The following HELB variants were observed in gnomAD, a reference collection of about 807,000 sequenced individuals.
HELB encodes the protein DNA helicase B.
In HELB, 96 loss-of-function variants were observed where a neutral mutation model predicts 101.7. The observed-to-expected ratio is 0.94, with a 90% CI of 0.80 to 1.12. The LOEUF (loss-of-function observed/expected upper bound fraction) is 1.12. Ranked by LOEUF, HELB falls within the 50% of genes most tolerant of loss-of-function variation. The probability of loss-of-function intolerance (pLI) is 0.00; values close to 1 mark genes in which losing one functional copy is unlikely to be tolerated. For synonymous variants in HELB, 437 were observed against 459.7 expected, an observed-to-expected ratio of 0.95 and a Z score of 0.63; for missense variants, 1,210 against 1,291.9, an observed-to-expected ratio of 0.94 and a Z score of 0.97.
At chr12:66,334,448 C>G (rs2053843272) in intron 12 of HELB, among the ~76,000 whole-genome samples, 1 of 116,294 alleles carries the variant, frequency 8.6e-6, no homozygotes, top group South Asian at 2.9e-4. Flanking sequence ...GGTGACAGAC[C>G]AAAACCCTGT....
chr12:66,320,970 A>G (rs1400276088), intron 7 of HELB, among the ~76,000 whole-genome samples: 1 of 152,216 alleles, frequency 6.6e-6, no homozygotes. Flanking sequence ...AAAGAACAGT[A>G]TGCTGGGAGA....
downstream of HELB, chr12:66,338,655 AAC>A (rs1476715123): frequency 2.0e-4 from 31 of 152,186 alleles, no homozygotes; most frequent in African/African-American, 6.7e-4. Context: ...AAAAAAAACA[AAC>A]AAACAAACAA....
At chr12:66,340,602 A>G (rs1021101214), downstream of HELB, 5 of 51,166 alleles carry the variant, frequency 9.8e-5, no homozygotes, top group East Asian at 4.1e-3. Flanking sequence ...AATAGGATAT[A>G]TATATGTGGG....
intron 6 of HELB, among the ~76,000 whole-genome samples, chr12:66,317,933 G>A (rs112990232): frequency 1.4e-3 from 209 of 152,240 alleles, no homozygotes; most frequent in Admixed American, 7.8e-3. Context: ...AGTTCTGTTC[G>A]AGGAGTCAAT....
At position 66,315,034 on chromosome 12, in the gene HELB, G is replaced by A. The variant is rs543897370; in HGVS notation, c.1859-208G>A. On this transcript the variant is annotated intron_variant, in intron 5 of 12. Coordinates refer to ENST00000247815, the MANE Select transcript of HELB (RefSeq NM_001370285.1). The stretch of plus-strand genomic sequence containing the variant: ...AATATGTTGACTAAAACATATGCCT[G>A]TACCCAGTTTCCCTGTGGTTATAGG... 1.1e-3 allele frequency among the ~76,000 whole-genome samples: 168 copies of A among 151,182 alleles called. 1 individual carries two copies. The highest frequency in any genetic ancestry group is 3.2e-3 in the Admixed American group (48 of 15,190).
rs531716880 is a variant in HELB, at chr12:66,318,858, T to G, written c.2155+66T>G. On this transcript the variant is annotated intron_variant, in intron 7 of 12. Coordinates refer to ENST00000247815, the MANE Select transcript of HELB (RefSeq NM_001370285.1). ...TATTTAAGTTTTGTAACATAGTTAT[T>G]AAATGACTAGTTACAATTTTCTTTA... 3.3e-6 allele frequency: 4 copies of G among 1,229,936 alleles called. No individual in the cohort carries two copies. In the South Asian group the frequency reaches 5.8e-5, roughly 18 times the overall value. The allele number at this position is 1,229,936 out of a possible 1,614,324, so 76.2% of individuals were successfully genotyped here. A position where few individuals can be genotyped will look rare whatever the true frequency, so the allele number is the denominator to read the frequency against.
chr12:66,336,439 T>C (rs961726120), intron 12 of HELB, among the ~76,000 whole-genome samples: 2 of 152,170 alleles, frequency 1.3e-5, no homozygotes, highest in East Asian at 3.8e-4. Context: ...AATGTGGTTC[T>C]AATAGAAGTG....
chr12:66,339,834 C>T (rs906966831), downstream of HELB: 1 of 152,202 alleles, frequency 6.6e-6, no homozygotes, highest in Non-Finnish European at 1.5e-5. Context: ...CCTGATTTAC[C>T]TAGTCCCAAT....
At chr12:66,307,754 CT>C (rs752323706) in intron 3 of HELB, among the ~76,000 whole-genome samples, 111 of 145,774 alleles carry the variant, frequency 7.6e-4, no homozygotes, top group East Asian at 1.4e-3. Flanking sequence ...CTTTTCTTTT[CT>C]TTTTTTTTTT....
At chr12:66,317,768 A>G (rs946915782) in intron 6 of HELB, among the ~76,000 whole-genome samples, 2 of 152,222 alleles carry the variant, frequency 1.3e-5, no homozygotes, top group African/African-American at 4.8e-5. Context: ...GAAGCAAAAC[A>G]GGAAATCTAT....
At chr12:66,314,961 A>G (rs868254454) in intron 5 of HELB, among the ~76,000 whole-genome samples, 12 of 152,006 alleles carry the variant, frequency 7.9e-5, no homozygotes, top group Middle Eastern at 3.4e-3. Flanking sequence ...AACATGATTG[A>G]AAAAGGGACT....
intron 1 of HELB, among the ~76,000 whole-genome samples, chr12:66,304,464 A>C (rs2053447923): frequency 6.6e-6 from 1 of 152,204 alleles, no homozygotes; most frequent in South Asian, 2.1e-4. Flanking sequence ...TTAGAAGAGG[A>C]ACAGCAGACA....
At chr12:66,323,156 A>G (rs1316546174) in intron 9 of HELB, among the ~76,000 whole-genome samples, 2 of 152,160 alleles carry the variant, frequency 1.3e-5, no homozygotes, top group African/African-American at 2.4e-5. Flanking sequence ...GTGTCTGTCT[A>G]TCAGAGAAAT....
intron 11 of HELB, among the ~76,000 whole-genome samples, chr12:66,329,935 G>A (rs1340064083): frequency 6.6e-6 from 1 of 152,150 alleles, no homozygotes; most frequent in Non-Finnish European, 1.5e-5. Flanking sequence ...CTGAGACCCA[G>A]CAACATCGGA....
At chr12:66,323,533 C>T (rs761564542) in intron 9 of HELB, among the ~76,000 whole-genome samples, 2 of 152,182 alleles carry the variant, frequency 1.3e-5, no homozygotes, top group Non-Finnish European at 2.9e-5. Flanking sequence ...ATCACCACCA[C>T]TTCTTCAGTT....
chr12:66,325,144 T>A lies in HELB; in HGVS notation c.2670+18T>A, dbSNP rs1565642393. On this transcript the variant is annotated intron_variant, in intron 11 of 12. Transcript: ENST00000247815. The stretch of plus-strand genomic sequence containing the variant: ...CTTTTCAGGTAAGAGGAGACTTTTA[T>A]CAAACCTTTTAAATAATTTACCAAC... 2 of 1,531,278 alleles carry A rather than the reference T, an allele frequency of 1.3e-6. No homozygotes were observed. The highest frequency in any genetic ancestry group is 2.3e-5 in the East Asian group (1 of 44,372). The allele number at this position is 1,531,278 out of a possible 1,614,324, so 94.9% of individuals were successfully genotyped here. A position where few individuals can be genotyped will look rare whatever the true frequency, so the allele number is the denominator to read the frequency against.
intron 11 of HELB, among the ~76,000 whole-genome samples, chr12:66,326,749 G>T (rs1460863348): frequency 6.6e-6 from 1 of 150,566 alleles, no homozygotes; most frequent in Non-Finnish European, 1.5e-5. Context: ...AGGTAAAAAA[G>T]GGTCTGGTGT....
At chr12:66,314,190 G>C (rs772553102) in intron 5 of HELB, 27 bp downstream of exon 5, 1 of 1,595,646 alleles carries the variant, frequency 6.3e-7, no homozygotes, top group South Asian at 1.1e-5. Flanking sequence ...TTGGAATTCT[G>C]ATGTTTATTT....
downstream of HELB, chr12:66,343,069 A>C (rs1372690712): frequency 6.6e-6 from 1 of 152,196 alleles, no homozygotes; most frequent in African/African-American, 2.4e-5. Context: ...GAAATTAAGA[A>C]GTGTGAGTCC....
Sources: allele counts gnomAD v4.1 joint callset (sites outside exome capture counted in the v4.1 genomes callset), GRCh38; gene constraint gnomAD v4.1.1; transcripts MANE v1.5; gene names NCBI Gene and HGNC (gene_info 2026-07-23, HGNC 2026-07-21).